The following RPTOR variants were observed in gnomAD, a reference collection of about 807,000 sequenced individuals.
The protein encoded by RPTOR is regulatory associated protein of MTOR complex 1, also known as regulatory-associated protein of mTOR.
In RPTOR, 21 loss-of-function variants were observed where a neutral mutation model predicts 169.9. The observed-to-expected ratio is 0.12, with a 90% CI of 0.09 to 0.18. The LOEUF (loss-of-function observed/expected upper bound fraction) is 0.18, where lower values mean the gene tolerates loss of function less well. RPTOR is among the 10% of genes least tolerant of loss of function. The probability of loss-of-function intolerance (pLI) is 1.00; values close to 1 mark genes in which losing one functional copy is unlikely to be tolerated. For synonymous variants in RPTOR, 732 were observed against 753.2 expected, an observed-to-expected ratio of 0.97 and a Z score of 0.46; for missense variants, 1,133 against 1,855.9, an observed-to-expected ratio of 0.61 and a Z score of 7.16.
intron 5 of RPTOR, among the ~76,000 whole-genome samples, chr17:80,733,260 G>A (rs62067922): frequency 0.011 from 1,730 of 152,268 alleles, 21 homozygotes; most frequent in Middle Eastern, 0.041. Context: ...CTGTCACTCA[G>A]TAATCCTTCT....
chr17:80,601,460 G>A (rs1244489693), intron 1 of RPTOR, among the ~76,000 whole-genome samples: 1 of 151,964 alleles, frequency 6.6e-6, no homozygotes, highest in Non-Finnish European at 1.5e-5. Context: ...CCCCGCAGAT[G>A]GGCAGAACTT....
chr17:80,587,475 T>C (rs1471678481), intron 1 of RPTOR, among the ~76,000 whole-genome samples: 3 of 152,194 alleles, frequency 2.0e-5, no homozygotes, highest in African/African-American at 7.2e-5. Flanking sequence ...TGAATTTTGG[T>C]TAGCACCTGT....
intron 7 of RPTOR, among the ~76,000 whole-genome samples, chr17:80,811,616 C>T (rs567049201): frequency 6.6e-6 from 1 of 151,450 alleles, no homozygotes; most frequent in East Asian, 1.9e-4. Flanking sequence ...CTCACTGTAC[C>T]CACGGGACAC....
chr17:80,761,868 G>A (rs186229304), intron 6 of RPTOR, among the ~76,000 whole-genome samples: 8 of 152,214 alleles, frequency 5.3e-5, no homozygotes, highest in Admixed American at 2.0e-4. Context: ...TGAAGTAACC[G>A]GGACACATTA....
chr17:80,616,938 A>G (rs1268733105), intron 1 of RPTOR, among the ~76,000 whole-genome samples: 1 of 152,130 alleles, frequency 6.6e-6, no homozygotes, highest in East Asian at 1.9e-4. Context: ...GTTACCTTGG[A>G]TACTCGCCCA....
chr17:80,922,392 G>T (rs759301622), intron 21 of RPTOR, among the ~76,000 whole-genome samples: 1 of 152,198 alleles, frequency 6.6e-6, no homozygotes, highest in Non-Finnish European at 1.5e-5. Context: ...GGCAGGGAAG[G>T]TGAGGAGGGT....
intron 5 of RPTOR, among the ~76,000 whole-genome samples, chr17:80,747,084 G>A (rs896579165): frequency 3.3e-5 from 5 of 152,162 alleles, no homozygotes; most frequent in Non-Finnish European, 7.3e-5. Context: ...GGGTGTGGTG[G>A]CACTCGCCTG....
rs188323515 is a variant in RPTOR at position 80,846,696 on chromosome 17, C to T, written c.1314+122C>T. 2,390 of 761,698 alleles carry T rather than the reference C, an allele frequency of 3.1e-3. 8 individuals carry two copies. The highest frequency in any genetic ancestry group is 4.9e-3 in the Non-Finnish European group (2,212 of 455,066). 47.2% of individuals were successfully genotyped at this position (761,698 alleles called of 1,614,324 possible). ...CTGTGGGTCTGTGACATCCCAGCCC[C>T]TCTGCCCCGAAGATGATGGTGCATG... On this transcript the variant is annotated intron_variant, in intron 11 of 33. Coordinates refer to ENST00000306801, the MANE Select transcript of RPTOR (RefSeq NM_020761.3).
At chr17:80,698,553 G>T (rs1228085648) in intron 3 of RPTOR, among the ~76,000 whole-genome samples, 1 of 152,162 alleles carries the variant, frequency 6.6e-6, no homozygotes. Flanking sequence ...TTACGTGGGG[G>T]CACCTTCCAT....
rs917345873 is a variant in RPTOR at position 80,941,048 on chromosome 17, G to T, written c.3025+447G>T. On this transcript the variant is annotated intron_variant, in intron 25 of 33. Transcript: ENST00000306801. The stretch of plus-strand genomic sequence containing the variant: ...CGTTGCGCCAGGCCCTACACATGGC[G>T]CATCCTTCCCTGGAAACAGGAAGTG... Among the ~76,000 whole-genome samples the T allele has an allele frequency of 3.5e-4, 54 of 152,178 alleles. 1 individual carries two copies. The highest frequency in any genetic ancestry group is 2.2e-4 in the Non-Finnish European group (15 of 68,030).
intron 7 of RPTOR, among the ~76,000 whole-genome samples, chr17:80,813,098 G>T (rs946911257): frequency 6.6e-6 from 1 of 152,298 alleles, no homozygotes; most frequent in East Asian, 1.9e-4. Flanking sequence ...CCAATATCGT[G>T]TATTATAATT....
At chr17:80,654,087 G>T (rs1351535326) in intron 3 of RPTOR, among the ~76,000 whole-genome samples, 1 of 152,252 alleles carries the variant, frequency 6.6e-6, no homozygotes, top group Non-Finnish European at 1.5e-5. Context: ...CAGATGCCAG[G>T]CTCAGGTGGT....
chr17:80,619,260 G>T (rs1050601354), intron 1 of RPTOR, among the ~76,000 whole-genome samples: 4 of 152,150 alleles, frequency 2.6e-5, no homozygotes, highest in Non-Finnish European at 5.9e-5. Context: ...CACACTCTCA[G>T]TGTGGGGGAC....
chr17:80,654,456 C>T (rs6565471), intron 3 of RPTOR, among the ~76,000 whole-genome samples: 151,864 of 152,368 alleles, frequency 1, 75,686 homozygotes, highest in Middle Eastern at 1. Flanking sequence ...CTTAGCTTCA[C>T]GTGGTCCTCC....
At chr17:80,700,544 ATGG>A (rs1238860966) in intron 3 of RPTOR, among the ~76,000 whole-genome samples, 4 of 95,220 alleles carry the variant, frequency 4.2e-5, no homozygotes, top group Non-Finnish European at 6.4e-5. Flanking sequence ...GGTGATGATG[ATGG>A]TGGTGGTGAT....
chr17:80,719,507 C>A (rs1165836977), intron 4 of RPTOR, among the ~76,000 whole-genome samples: 1 of 152,162 alleles, frequency 6.6e-6, no homozygotes, highest in African/African-American at 2.4e-5. Context: ...CCTGTAAAGC[C>A]CCTTAAGGGC....
chr17:80,821,670 C>G (rs545307681), intron 7 of RPTOR, among the ~76,000 whole-genome samples: 1 of 152,340 alleles, frequency 6.6e-6, no homozygotes, highest in African/African-American at 2.4e-5. Flanking sequence ...CCTGTCCTTC[C>G]CCCTAGACCC....
At chr17:80,899,706 G>C (rs988135788) in intron 20 of RPTOR, among the ~76,000 whole-genome samples, 6 of 152,266 alleles carry the variant, frequency 3.9e-5, no homozygotes, top group African/African-American at 1.4e-4. Flanking sequence ...ACCGCGTGTA[G>C]GTGAATGAAC....
At chr17:80,940,038 AGCCCGT>A (rs1234772311) in intron 24 of RPTOR, among the ~76,000 whole-genome samples, 1 of 152,210 alleles carries the variant, frequency 6.6e-6, no homozygotes, top group Non-Finnish European at 1.5e-5. Context: ...GACCCACAAC[AGCCCGT>A]GCCTCTGGTG....
Sources: gnomAD v4.1 joint callset for allele counts (sites outside exome capture counted in the v4.1 genomes callset) on GRCh38, gnomAD v4.1.1 for gene constraint, MANE v1.5 for transcripts, NCBI Gene and HGNC (gene_info 2026-07-23, HGNC 2026-07-21) for gene names.